Variants in PITPNB observed in about 807,000 individuals in gnomAD.
PITPNB encodes the protein phosphatidylinositol transfer protein beta isoform.
Under a neutral mutation model 45.9 loss-of-function variants are expected in PITPNB, and 16 were observed. The ratio of observed to expected loss-of-function variants is 0.35; its 90% CI spans 0.24 to 0.53. The LOEUF is 0.53. PITPNB is among the 20% of genes least tolerant of loss of function. The pLI is 0.93. For missense variants in PITPNB, 188 were observed against 330.5 expected, an observed-to-expected ratio of 0.57 and a Z score of 3.34; for synonymous variants, 112 against 108.9, an observed-to-expected ratio of 1.03 and a Z score of -0.18.
At chr22:27,905,291 G>A (rs1031523085) in intron 3 of PITPNB, among the ~76,000 whole-genome samples, 17 of 152,106 alleles carry the variant, frequency 1.1e-4, no homozygotes, top group Non-Finnish European at 2.4e-4. Flanking sequence ...GGGATTACAG[G>A]TGCCTGCCAC....
Position 27,894,578 on chromosome 22 carries a change from C to T in PITPNB, c.433G>A (p.Asp145Asn), listed in dbSNP as rs1310641123. 1 of 1,591,916 alleles carries T rather than the reference C, an allele frequency of 6.3e-7. No homozygotes were observed. Among genetic ancestry groups the T allele is most frequent in the Non-Finnish European group, 8.6e-7 (1 of 1,160,608 alleles). The part of the protein sequence containing the change: ...TVEIVHIDIA[D>N]RSQVEPADYK... ...ACTGCTGGTTCAACTTGACTTCTAT[C>T]TGCAATATCTATATGGACAATTTCA... The change falls in exon 7 of 12, where the codon GAT (aspartate) becomes AAT (asparagine). Residue 145 changes from aspartate (D) to asparagine (N), a missense_variant. Asp to Asn is a conservative substitution (Grantham distance 23). Coordinates refer to ENST00000335272, the MANE Select transcript of PITPNB (RefSeq NM_012399.5).
At chr22:27,888,890 C>T (rs954256097) in intron 7 of PITPNB, among the ~76,000 whole-genome samples, 6 of 152,156 alleles carry the variant, frequency 3.9e-5, no homozygotes, top group African/African-American at 7.2e-5. Context: ...AGTGGCAGCT[C>T]GAAGAGTGAC....
At chr22:27,899,236 T>G (rs982617807) in intron 3 of PITPNB, among the ~76,000 whole-genome samples, 8 of 152,274 alleles carry the variant, frequency 5.3e-5, no homozygotes, top group African/African-American at 1.7e-4. Context: ...GATACGGAGC[T>G]GGGTATTTTC....
chr22:27,882,835 C>A (rs1439505437), intron 7 of PITPNB, among the ~76,000 whole-genome samples: 1 of 152,236 alleles, frequency 6.6e-6, no homozygotes, highest in East Asian at 1.9e-4. Flanking sequence ...CACACTTCAG[C>A]ATGTCCGCGA....
intron 8 of PITPNB, among the ~76,000 whole-genome samples, chr22:27,872,709 G>A (rs373308430): frequency 6.6e-6 from 1 of 152,096 alleles, no homozygotes; most frequent in Non-Finnish European, 1.5e-5. Flanking sequence ...TCGATGACCT[G>A]TAACTGGCTT....
chr22:27,891,294 AT>A (rs1217579032), intron 7 of PITPNB, among the ~76,000 whole-genome samples: 2 of 152,224 alleles, frequency 1.3e-5, no homozygotes, highest in South Asian at 4.1e-4. Context: ...TTTAAAATAA[AT>A]TTATATCTTA....
intron 8 of PITPNB, among the ~76,000 whole-genome samples, chr22:27,871,169 A>G (rs1410106892): frequency 2.6e-5 from 4 of 152,232 alleles, no homozygotes; most frequent in African/African-American, 4.8e-5. Context: ...AGACAAAGCA[A>G]TATCAGTTAC....
chr22:27,873,672 G>T, intron 8 of PITPNB, 66 bp downstream of exon 8: 1 of 940,108 alleles, frequency 1.1e-6, no homozygotes, highest in South Asian at 1.3e-5. Context: ...AGCTCTTCAA[G>T]ACTCAGGACC....
intron 7 of PITPNB, among the ~76,000 whole-genome samples, chr22:27,893,752 A>T (rs1935357797): frequency 6.6e-6 from 1 of 151,668 alleles, no homozygotes; most frequent in Admixed American, 6.6e-5. Context: ...CACCATGCCC[A>T]GCTAATCGTT....
At chr22:27,865,130 T>C (rs1201596438) in intron 8 of PITPNB, among the ~76,000 whole-genome samples, 1 of 152,194 alleles carries the variant, frequency 6.6e-6, no homozygotes, top group African/African-American at 2.4e-5. Flanking sequence ...TTTTTTCTTT[T>C]GTGTACAATT....
At chr22:27,859,116 A>G (rs1320162922) in intron 9 of PITPNB, among the ~76,000 whole-genome samples, 1 of 152,212 alleles carries the variant, frequency 6.6e-6, no homozygotes, top group Non-Finnish European at 1.5e-5. Flanking sequence ...AGAAAAGTGC[A>G]TGGAACAGTA....
At chr22:27,893,866 C>G (rs1341153139) in intron 7 of PITPNB, among the ~76,000 whole-genome samples, 1 of 152,126 alleles carries the variant, frequency 6.6e-6, no homozygotes, top group African/African-American at 2.4e-5. Context: ...GTTGGGATTA[C>G]AAGTGGAAGC....
intron 8 of PITPNB, among the ~76,000 whole-genome samples, chr22:27,873,408 A>C (rs1934726387): frequency 6.6e-6 from 1 of 152,238 alleles, no homozygotes; most frequent in Non-Finnish European, 1.5e-5. Context: ...GACTAAATTT[A>C]AACTATAAAC....
intron 7 of PITPNB, among the ~76,000 whole-genome samples, chr22:27,891,135 T>A (rs1935266320): frequency 6.6e-6 from 1 of 152,110 alleles, no homozygotes; most frequent in South Asian, 2.1e-4. Context: ...GATGAAAACG[T>A]TTTGCAGCTA....
At chr22:27,876,191 G>A (rs186074434) in intron 7 of PITPNB, among the ~76,000 whole-genome samples, 15 of 152,226 alleles carry the variant, frequency 9.9e-5, no homozygotes, top group Admixed American at 9.8e-4. Flanking sequence ...CACCTCACAG[G>A]ATGATGGCAA....
At chr22:27,864,052 C>A (rs919794543) in intron 8 of PITPNB, among the ~76,000 whole-genome samples, 4 of 152,170 alleles carry the variant, frequency 2.6e-5, no homozygotes, top group African/African-American at 9.7e-5. Context: ...AAAAACCCTT[C>A]AGAGAAGAAC....
At chr22:27,864,636 C>T (rs992772940) in intron 8 of PITPNB, among the ~76,000 whole-genome samples, 3 of 152,082 alleles carry the variant, frequency 2.0e-5, no homozygotes, top group African/African-American at 7.2e-5. Context: ...ATGCATACAG[C>T]CATTAAAAAA....
intron 8 of PITPNB, among the ~76,000 whole-genome samples, chr22:27,864,595 A>T (rs1344021108): frequency 6.6e-6 from 1 of 152,154 alleles, no homozygotes; most frequent in Non-Finnish European, 1.5e-5. Context: ...CAGGTGAAAT[A>T]CTTCATAGGC....
chr22:27,881,101 A>G (rs1469734914), intron 7 of PITPNB, among the ~76,000 whole-genome samples: 1 of 152,204 alleles, frequency 6.6e-6, no homozygotes, highest in African/African-American at 2.4e-5. Context: ...TGTAGGAAAC[A>G]TTTTCACATT....
Sources: gnomAD v4.1 joint callset for allele counts (sites outside exome capture counted in the v4.1 genomes callset) on GRCh38, gnomAD v4.1.1 for gene constraint, MANE v1.5 for transcripts, NCBI Gene and HGNC (gene_info 2026-07-23, HGNC 2026-07-21) for gene names.